The following NMRK1 variants were observed in gnomAD, a reference collection of about 807,000 sequenced individuals.
The protein encoded by NMRK1 is nicotinamide riboside kinase 1.
In NMRK1, 28 loss-of-function variants were observed where a neutral mutation model predicts 29.9. The ratio of observed to expected loss-of-function variants is 0.94; its 90% CI spans 0.69 to 1.28. The LOEUF (loss-of-function observed/expected upper bound fraction) is 1.28, where lower values mean the gene tolerates loss of function less well. Among genes scored for constraint, NMRK1 ranks in the 50% most tolerant of loss-of-function variants. The pLI is 0.00. For missense variants in NMRK1, 218 were observed against 233.1 expected, an observed-to-expected ratio of 0.94 and a Z score of 0.42; for synonymous variants, 58 against 73.0, an observed-to-expected ratio of 0.79 and a Z score of 1.05.
intron 4 of NMRK1, 98 bp downstream of exon 4, chr9:75,077,061 G>A: frequency 2.8e-6 from 2 of 704,346 alleles, no homozygotes; most frequent in South Asian, 1.8e-5. Flanking sequence ...TTAAATTTTT[G>A]TTCCACAGAA....
At chr9:75,074,440 T>C (rs1823877366) in intron 4 of NMRK1, among the ~76,000 whole-genome samples, 1 of 152,076 alleles carries the variant, frequency 6.6e-6, no homozygotes, top group African/African-American at 2.4e-5. Context: ...TAAGCTGGAG[T>C]GCAGTGGCAT....
chr9:75,078,591 A>G, intron 2 of NMRK1: 2 of 1,243,400 alleles, frequency 1.6e-6, no homozygotes, highest in Non-Finnish European at 2.0e-6. Flanking sequence ...GTCTGTGAAC[A>G]TAAGTCAGGG....
rs1002999249 is a variant in NMRK1, at chr9:75,060,841, A to T, written c.*707T>A. 3 of 150,444 alleles carry T rather than the reference A, an allele frequency of 2.0e-5. No homozygotes were observed. Among genetic ancestry groups the T allele is most frequent in the African/African-American group, 7.3e-5 (3 of 41,084 alleles). 9.3% of individuals were successfully genotyped at this position (150,444 alleles called of 1,614,324 possible). On this transcript the variant is annotated 3_prime_UTR_variant, in exon 9 of 9. Transcript: ENST00000361092. ...AACAAAGTCTCAACAATGAGATACA[A>T]TGGTATTAGATACACGCCAACACAC...
At chr9:75,079,357 A>G (rs1439515240) in intron 2 of NMRK1, among the ~76,000 whole-genome samples, 1 of 152,204 alleles carries the variant, frequency 6.6e-6, no homozygotes, top group Non-Finnish European at 1.5e-5. Context: ...CCAAATGTCC[A>G]TAGTTTAGGT....
chr9:75,066,772 G>A lies in NMRK1; in HGVS notation c.565C>T (p.Leu189=), dbSNP rs777431303. The change falls in exon 8 of 9, where the codon CTA becomes TTA. Residue 189 remains leucine (L), a synonymous_variant. Transcript: ENST00000361092. Reference sequence around the variant, plus strand: ...CAATACTTACACTTTTGCTTTGCTAGTTCTTGTATTAGATCTTCATATACT... The same window carrying A: ...CAATACTTACACTTTTGCTTTGCTAATTCTTGTATTAGATCTTCATATACT... The part of the protein sequence containing the change: ...LQVYEDLIQE[L]AKQKCLQVTA The A allele has an allele frequency of 3.8e-6, 6 of 1,598,050 alleles. No individual in the cohort carries two copies. In the East Asian group the frequency reaches 8.9e-5, roughly 24 times the overall value.
At chr9:75,070,956 T>C (rs1229004639) in intron 4 of NMRK1, among the ~76,000 whole-genome samples, 1 of 152,162 alleles carries the variant, frequency 6.6e-6, no homozygotes, top group South Asian at 2.1e-4. Context: ...TTTTTGCTTT[T>C]GGTATTTGTA....
chr9:75,068,141 G>GC (rs1288754407), intron 7 of NMRK1, among the ~76,000 whole-genome samples: 1 of 151,946 alleles, frequency 6.6e-6, no homozygotes, highest in Non-Finnish European at 1.5e-5. Flanking sequence ...TCATCTTCCC[G>GC]CCCCCTCCAT....
At chr9:75,087,160 C>T (rs2118303823) in intron 1 of NMRK1, among the ~76,000 whole-genome samples, 1 of 152,154 alleles carries the variant, frequency 6.6e-6, no homozygotes, top group East Asian at 1.9e-4. Flanking sequence ...CCGCCTTGCC[C>T]TCCCAAAGTG....
chr9:75,078,532 CTTCTCGA>C, intron 2 of NMRK1: 1 of 1,289,174 alleles, frequency 7.8e-7, no homozygotes, highest in South Asian at 2.7e-5. Flanking sequence ...GAGGGAGGCA[CTTCTCGA>C]TTCAGTCATT....
In NMRK1 at chr9:75,061,473, A is replaced by G; in HGVS notation, c.*75T>C. 1 of 1,089,012 alleles carries G rather than the reference A, an allele frequency of 9.2e-7. No homozygotes were observed. Among genetic ancestry groups the G allele is most frequent in the South Asian group, 1.3e-5 (1 of 75,406 alleles). The allele number at this position is 1,089,012 out of a possible 1,614,324, so 67.5% of individuals were successfully genotyped here. A position where few individuals can be genotyped will look rare whatever the true frequency, so the allele number is the denominator to read the frequency against. The stretch of plus-strand genomic sequence containing the variant: ...GTCATTGTACCACAGTATACATTGT[A>G]TCTTGGTGAAGGTTCTTAAATTACT... On this transcript the variant is annotated 3_prime_UTR_variant, in exon 9 of 9. Transcript: ENST00000361092.
At chr9:75,077,306 T>G (rs967384532) in intron 3 of NMRK1, 99 bp from the exon 4 acceptor site, 4 of 952,200 alleles carry the variant, frequency 4.2e-6, no homozygotes, top group African/African-American at 1.6e-5. Flanking sequence ...ATGCTTTGGA[T>G]GATCAAAGAA....
At chr9:75,082,996 A>C in intron 2 of NMRK1, 91 bp downstream of exon 2, 1 of 924,746 alleles carries the variant, frequency 1.1e-6, no homozygotes, top group Non-Finnish European at 1.8e-6. Context: ...TGGAATCCTC[A>C]CTGCTTCTCC....
chr9:75,074,321 G>A (rs1038614086), intron 4 of NMRK1, among the ~76,000 whole-genome samples: 2 of 150,686 alleles, frequency 1.3e-5, no homozygotes, highest in Non-Finnish European at 3.0e-5. Flanking sequence ...ACTTAATGTG[G>A]CTACTGGTAT....
intron 1 of NMRK1, among the ~76,000 whole-genome samples, chr9:75,086,780 C>G (rs1415184332): frequency 6.6e-6 from 1 of 152,160 alleles, no homozygotes; most frequent in African/African-American, 2.4e-5. Context: ...AAAAATGTTT[C>G]CAGGACTTCT....
intron 1 of NMRK1, among the ~76,000 whole-genome samples, chr9:75,087,166 A>G (rs1824706313): frequency 6.6e-6 from 1 of 152,056 alleles, no homozygotes; most frequent in Non-Finnish European, 1.5e-5. Context: ...TGCCCTCCCA[A>G]AGTGCTGGGA....
At chr9:75,085,692 A>G (rs1355137754) in intron 1 of NMRK1, among the ~76,000 whole-genome samples, 9 of 141,920 alleles carry the variant, frequency 6.3e-5, no homozygotes, top group Admixed American at 2.1e-4. Context: ...TAAAAAACCT[A>G]CTTATAAAAT....
chr9:75,079,329 A>G (rs1264118306), intron 2 of NMRK1, among the ~76,000 whole-genome samples: 1 of 152,236 alleles, frequency 6.6e-6, no homozygotes, highest in Non-Finnish European at 1.5e-5. Context: ...TCTTTAACAA[A>G]AATGTCTGTA....
At chr9:75,079,421 G>T (rs1329944659) in intron 2 of NMRK1, among the ~76,000 whole-genome samples, 1 of 152,134 alleles carries the variant, frequency 6.6e-6, no homozygotes, top group East Asian at 1.9e-4. Context: ...ATTACAATAT[G>T]AACAATCTGG....
At chr9:75,066,646 G>A (rs183776817) in intron 8 of NMRK1, 111 bp downstream of exon 8, 1 of 755,078 alleles carries the variant, frequency 1.3e-6, no homozygotes, top group Admixed American at 1.9e-5. Flanking sequence ...AAGAATGGAT[G>A]AGCACAATCA....
Sources: allele counts gnomAD v4.1 joint callset (sites outside exome capture counted in the v4.1 genomes callset), GRCh38; gene constraint gnomAD v4.1.1; transcripts MANE v1.5; gene names NCBI Gene and HGNC (gene_info 2026-07-23, HGNC 2026-07-21).